CAST: variants seen among roughly 807,000 people sequenced by gnomAD.
CAST encodes the protein calpastatin.
Under a neutral mutation model 119.6 loss-of-function variants are expected in CAST, and 76 were observed. The observed-to-expected ratio is 0.64, with a 90% confidence interval of 0.53 to 0.77. The LOEUF is 0.77. Ranked by LOEUF, CAST falls within the 30% of genes least tolerant of loss-of-function variation. The pLI is 0.00. For synonymous variants in CAST, 319 were observed against 331.6 expected, an observed-to-expected ratio of 0.96 and a Z score of 0.41; for missense variants, 953 against 946.5, an observed-to-expected ratio of 1.01 and a Z score of -0.09.
chr5:96,359,281 T>G, the CAST span, among the ~76,000 whole-genome samples: 1 of 152,218 alleles, frequency 6.6e-6, no homozygotes, highest in East Asian at 1.9e-4. Context: ...GTCTTGACTC[T>G]TTTTCCAATT....
chr5:95,991,790 G>A, the CAST span, among the ~76,000 whole-genome samples: 2 of 152,018 alleles, frequency 1.3e-5, no homozygotes, highest in African/African-American at 4.8e-5. Context: ...ACAGGTGTGA[G>A]CCACCGTACC....
At chr5:96,642,690 C>T (rs1004076619) in intron 1 of CAST, among the ~76,000 whole-genome samples, 4 of 151,788 alleles carry the variant, frequency 2.6e-5, no homozygotes, top group Non-Finnish European at 5.9e-5. Flanking sequence ...TACAGGCACC[C>T]GGCACCACGC....
chr5:96,730,993 A>G (rs1010922913), intron 9 of CAST, 133 bp downstream of exon 9: 3 of 680,006 alleles, frequency 4.4e-6, no homozygotes, highest in African/African-American at 3.6e-5. Flanking sequence ...TGTGAAGAGC[A>G]TGCATTTAAG....
the CAST span, chr5:96,416,259 G>T: frequency 2.9e-6 from 2 of 684,922 alleles, no homozygotes; most frequent in Non-Finnish European, 2.7e-6. Context: ...TTTTAAATTA[G>T]TATAACATAA....
the CAST span, among the ~76,000 whole-genome samples, chr5:96,148,573 C>G: frequency 6.6e-6 from 1 of 152,216 alleles, no homozygotes; most frequent in African/African-American, 2.4e-5. Flanking sequence ...TAGCCCAACA[C>G]GTTCTGGTGA....
At chr5:96,128,679 A>G in the CAST span, among the ~76,000 whole-genome samples, 1 of 152,132 alleles carries the variant, frequency 6.6e-6, no homozygotes, top group East Asian at 1.9e-4. Flanking sequence ...GTACATAGGT[A>G]GTACCCTTCT....
chr5:96,099,422 T>C, the CAST span, among the ~76,000 whole-genome samples: 1 of 152,214 alleles, frequency 6.6e-6, no homozygotes, highest in African/African-American at 2.4e-5. Flanking sequence ...GGGGAATGCT[T>C]CCAACTTTTG....
chr5:96,493,114 A>G, the CAST span, among the ~76,000 whole-genome samples: 2 of 152,242 alleles, frequency 1.3e-5, no homozygotes, highest in East Asian at 3.8e-4. Context: ...GGATAGAAAC[A>G]GTGCTTTATA....
the CAST span, among the ~76,000 whole-genome samples, chr5:96,221,976 T>G: frequency 1.3e-5 from 2 of 152,122 alleles, no homozygotes; most frequent in African/African-American, 2.4e-5. Flanking sequence ...CCAACTGATT[T>G]TCAACAAAGG....
chr5:96,568,221 A>C (rs2150186410), intron 1 of CAST, among the ~76,000 whole-genome samples: 1 of 152,250 alleles, frequency 6.6e-6, no homozygotes, highest in East Asian at 1.9e-4. Context: ...CTTGACTCTC[A>C]AACTGTCATA....
the CAST span, among the ~76,000 whole-genome samples, chr5:96,354,669 G>C: frequency 1.3e-5 from 2 of 149,424 alleles, no homozygotes; most frequent in Non-Finnish European, 3.0e-5. Flanking sequence ...CCTATAGACA[G>C]TATATATTAT....
the CAST span, among the ~76,000 whole-genome samples, chr5:96,196,296 C>A: frequency 3.3e-5 from 5 of 152,080 alleles, no homozygotes; most frequent in Admixed American, 3.3e-4. Flanking sequence ...GAAGTATATT[C>A]TCATAAACAC....
chr5:96,628,838 A>G (rs1747770719), intron 1 of CAST, among the ~76,000 whole-genome samples: 1 of 151,938 alleles, frequency 6.6e-6, no homozygotes, highest in African/African-American at 2.4e-5. Flanking sequence ...TCTTGTGCAT[A>G]TGGCTACTGA....
the CAST span, chr5:96,391,749 G>C: frequency 6.6e-6 from 1 of 152,198 alleles, no homozygotes; most frequent in African/African-American, 2.4e-5. Flanking sequence ...GCTAACTGTT[G>C]CCATGAGCAA....
chr5:96,490,496 T>G, the CAST span, among the ~76,000 whole-genome samples: 1 of 152,152 alleles, frequency 6.6e-6, no homozygotes, highest in South Asian at 2.1e-4. Flanking sequence ...AGAGGAGTTC[T>G]ATCCACTGCC....
At chr5:96,352,401 T>G in the CAST span, among the ~76,000 whole-genome samples, 1 of 152,216 alleles carries the variant, frequency 6.6e-6, no homozygotes, top group Middle Eastern at 3.4e-3. Context: ...TGGAAGGGGC[T>G]CCAAGAAATT....
chr5:96,148,122 A>T, the CAST span, among the ~76,000 whole-genome samples: 1 of 152,226 alleles, frequency 6.6e-6, no homozygotes, highest in African/African-American at 2.4e-5. Context: ...ATGAGAAAAT[A>T]GTTCCTAGTT....
chr5:96,109,166 T>G, the CAST span, among the ~76,000 whole-genome samples: 1 of 152,190 alleles, frequency 6.6e-6, no homozygotes, highest in African/African-American at 2.4e-5. Flanking sequence ...CAGATGGAAA[T>G]GCAGAAATCA....
chr5:96,396,873 C>A, the CAST span, among the ~76,000 whole-genome samples: 1 of 152,140 alleles, frequency 6.6e-6, no homozygotes, highest in African/African-American at 2.4e-5. Flanking sequence ...TTAAAAAAGT[C>A]ATATTAAATA....
Sources: gnomAD v4.1 joint callset for allele counts (sites outside exome capture counted in the v4.1 genomes callset) on GRCh38, gnomAD v4.1.1 for gene constraint, MANE v1.5 for transcripts, NCBI Gene and HGNC (gene_info 2026-07-23, HGNC 2026-07-21) for gene names.